FGF14: variants seen among roughly 807,000 people sequenced by gnomAD.
FGF14 encodes the protein fibroblast growth factor 14.
Under a neutral mutation model 25.5 loss-of-function variants are expected in FGF14, and 5 were observed. That is an observed-to-expected ratio of 0.20 (90% confidence interval 0.10 to 0.41). The LOEUF (loss-of-function observed/expected upper bound fraction) is 0.41. FGF14 is among the 10% of genes least tolerant of loss of function. The probability of loss-of-function intolerance (pLI) is 1.00; values close to 1 mark genes in which losing one functional copy is unlikely to be tolerated. For synonymous variants in FGF14, 138 were observed against 118.3 expected (o/e 1.17, Z -1.08); for missense variants, 222 against 320.1 (o/e 0.69, Z 2.34).
At chr13:102,345,307 T>C (rs948367217) in intron 1 of FGF14, among the ~76,000 whole-genome samples, 3 of 152,232 alleles carry the variant, frequency 2.0e-5, no homozygotes, top group African/African-American at 4.8e-5. Flanking sequence ...CACATACATC[T>C]TACAGCATGT....
At position 101,833,635 on chromosome 13, in the gene FGF14, G is replaced by A. The variant is rs953982215; in HGVS notation, c.408+35090C>T. 2.6e-5 allele frequency among the ~76,000 whole-genome samples: 4 copies of A among 152,016 alleles called. No homozygotes were observed. The South Asian group carries it at 6.2e-4, about 24-fold the overall frequency. ...TATACATATATACAGACAGATAGGT[G>A]TGTGTATACATATGCATATGTGTGT... On this transcript the variant is annotated intron_variant, in intron 3 of 4. Coordinates refer to ENST00000376143, the MANE Select transcript of FGF14 (RefSeq NM_004115.4).
At chr13:101,757,762 G>A (rs773712489) in intron 3 of FGF14, among the ~76,000 whole-genome samples, 9 of 152,106 alleles carry the variant, frequency 5.9e-5, no homozygotes, top group East Asian at 3.9e-4. Context: ...TTTTATCAGC[G>A]TGTCAAAGAT....
In FGF14 at chr13:102,034,229, C is replaced by A. The variant is rs538165159; in HGVS notation, c.209-158933G>T. ...CGGGATACAACATAATGAGAGAGAG[C>A]TGACTCAATGGAGCACGACAAGTCA... is the stretch of plus-strand genomic sequence containing the variant. On this transcript the variant is annotated intron_variant, in intron 1 of 4. Coordinates refer to the FGF14 transcript ENST00000376131. 2.0e-5 allele frequency among the ~76,000 whole-genome samples: 3 copies of A among 152,224 alleles called. No homozygotes were observed. The South Asian group carries it at 6.2e-4, about 32-fold the overall frequency.
intron 1 of FGF14, among the ~76,000 whole-genome samples, chr13:101,984,566 G>A (rs2038456679): frequency 6.6e-6 from 1 of 151,976 alleles, no homozygotes; most frequent in African/African-American, 2.4e-5. Context: ...CTTAAAGAAG[G>A]GATATGTTCA....
In FGF14 at chr13:101,715,367, A is replaced by G. The variant is rs1319825084; in HGVS notation, c.*7464T>C. ...ATCGGTAAAGGGTGGCACCAAATAA[A>G]TGCCACTAATTGTTTGAAAGATTAG... On this transcript the variant is annotated 3_prime_UTR_variant, in exon 5 of 5. Transcript: ENST00000376143. 6 of 569,536 alleles carry G rather than the reference A, an allele frequency of 1.1e-5. No homozygotes were observed. The highest frequency in any genetic ancestry group is 3.8e-5 in the African/African-American group (2 of 53,006). 35.3% of individuals were successfully genotyped at this position (569,536 alleles called of 1,614,324 possible).
In FGF14 at chr13:101,715,974, G is replaced by A; in HGVS notation, c.*6857C>T. The A allele has an allele frequency of 3.5e-6, 1 of 289,594 alleles. No homozygotes were observed. Among genetic ancestry groups the A allele is most frequent in the Non-Finnish European group, 6.7e-6 (1 of 149,980 alleles). The allele number at this position is 289,594 out of a possible 1,614,324, so 17.9% of individuals were successfully genotyped here. ...CACACTGGGTCGGGTAGGAAGGTAT[G>A]CTGCAGACATTTGGTGGGTAGAGGC... On this transcript the variant is annotated 3_prime_UTR_variant, in exon 5 of 5. Transcript: ENST00000376143.
At chr13:102,200,620 T>C (rs1272519220) in intron 1 of FGF14, among the ~76,000 whole-genome samples, 2 of 4,496 alleles carry the variant, frequency 4.4e-4, no homozygotes, top group Admixed American at 2.2e-3. Flanking sequence ...CATTTGATTG[T>C]TTTTTTTTTT....
chr13:102,341,699 A>G (rs1375039446), intron 1 of FGF14, among the ~76,000 whole-genome samples: 1 of 151,908 alleles, frequency 6.6e-6, no homozygotes, highest in Non-Finnish European at 1.5e-5. Flanking sequence ...TATGAATAAG[A>G]CAGAAAGCTG....
chr13:102,036,153 G>A (rs1356907751), intron 1 of FGF14, among the ~76,000 whole-genome samples: 1 of 152,064 alleles, frequency 6.6e-6, no homozygotes, highest in Admixed American at 6.6e-5. Flanking sequence ...TGACTCTGAG[G>A]CTCACTGAAG....
intron 1 of FGF14, among the ~76,000 whole-genome samples, chr13:102,103,982 T>C (rs933860088): frequency 1.3e-5 from 2 of 152,190 alleles, no homozygotes; most frequent in African/African-American, 4.8e-5. Flanking sequence ...TCCCACTGTG[T>C]TTTTGCTGTT....
intron 1 of FGF14, among the ~76,000 whole-genome samples, chr13:101,876,181 A>G (rs2045381914): frequency 6.6e-6 from 1 of 152,162 alleles, no homozygotes. Context: ...CACTCTAGTA[A>G]TCCAGTGCTT....
intron 3 of FGF14, among the ~76,000 whole-genome samples, chr13:101,775,042 G>A (rs1267974791): frequency 6.6e-6 from 1 of 150,550 alleles, no homozygotes; most frequent in East Asian, 1.9e-4. Context: ...AGTAGAGAAA[G>A]CAGAGCTTAA....
In FGF14 at chr13:101,737,017, T is replaced by A. The variant is rs550312365; in HGVS notation, c.409-10207A>T. On this transcript the variant is annotated intron_variant, in intron 3 of 4. Coordinates refer to ENST00000376143, the MANE Select transcript of FGF14 (RefSeq NM_004115.4). ...AAAAGTTATCAGTCTTAGCAACTAT[T>A]CTATTTTTTAATCTTATTTCATTAT... 3.3e-5 allele frequency among the ~76,000 whole-genome samples: 5 copies of A among 150,232 alleles called. No individual in the cohort carries two copies. The South Asian group carries it at 8.5e-4, about 25-fold the overall frequency.
chr13:101,988,755 TTAATGA>T (rs2038733898), intron 1 of FGF14, among the ~76,000 whole-genome samples: 1 of 151,374 alleles, frequency 6.6e-6, no homozygotes, highest in Admixed American at 6.6e-5. Flanking sequence ...ATACCTAATG[TTAATGA>T]TGAGTTAATG....
intron 1 of FGF14, among the ~76,000 whole-genome samples, chr13:102,185,243 A>G (rs2048832134): frequency 1.3e-5 from 2 of 152,180 alleles, no homozygotes; most frequent in African/African-American, 4.8e-5. Context: ...TAAGAAAAAA[A>G]CAAAAGATAA....
intron 1 of FGF14, among the ~76,000 whole-genome samples, chr13:102,382,455 T>A (rs2058206238): frequency 6.6e-6 from 1 of 151,952 alleles, no homozygotes; most frequent in South Asian, 2.1e-4. Flanking sequence ...ATTACTACTA[T>A]CAAAAAAACA....
At chr13:102,218,816 A>T (rs765571258) in intron 1 of FGF14, among the ~76,000 whole-genome samples, 2 of 151,462 alleles carry the variant, frequency 1.3e-5, no homozygotes, top group Non-Finnish European at 2.9e-5. Context: ...AAACCTGTAC[A>T]CTCTTTTCAT....
chr13:102,270,306 T>C (rs190658300), intron 1 of FGF14, among the ~76,000 whole-genome samples: 8 of 152,320 alleles, frequency 5.3e-5, no homozygotes, highest in Middle Eastern at 3.4e-3. Flanking sequence ...ATTTTTACTC[T>C]GATTTTTATT....
At chr13:102,091,543 T>G (rs2044165111) in intron 1 of FGF14, among the ~76,000 whole-genome samples, 1 of 152,168 alleles carries the variant, frequency 6.6e-6, no homozygotes, top group African/African-American at 2.4e-5. Flanking sequence ...ACCAGGTTAA[T>G]TGTCTCCTTC....
Sources: gnomAD v4.1 joint callset for allele counts (sites outside exome capture counted in the v4.1 genomes callset) on GRCh38, gnomAD v4.1.1 for gene constraint, MANE v1.5 for transcripts, NCBI Gene and HGNC (gene_info 2026-07-23, HGNC 2026-07-21) for gene names.